EYS: variants seen among roughly 807,000 people sequenced by gnomAD.
The protein encoded by EYS is EGF-like photoreceptor maintenance factor.
A neutral mutation model predicts 282.1 loss-of-function variants in EYS; 250 were observed. The observed-to-expected ratio is 0.89, with a 90% CI of 0.80 to 0.98. The LOEUF is 0.98. EYS is among the 50% of genes least tolerant of loss of function. EYS has a pLI of 0.00. For synonymous variants in EYS, 1,355 were observed against 1,282.9 expected (o/e 1.06, Z -1.20); for missense variants, 4,016 against 3,709.0 (o/e 1.08, Z -2.15).
chr6:65,075,146 G>A (rs1774009957), intron 12 of EYS, among the ~76,000 whole-genome samples: 2 of 152,004 alleles, frequency 1.3e-5, no homozygotes, highest in South Asian at 4.2e-4. Context: ...TGAGTTCTTA[G>A]TCACTATCTT....
chr6:65,038,676 G>C (rs1382458801), intron 13 of EYS, among the ~76,000 whole-genome samples: 1 of 151,208 alleles, frequency 6.6e-6, no homozygotes. Flanking sequence ...ACTTTCATTT[G>C]ATTCCCTATC....
chr6:64,396,522 G>A (rs185898214), intron 28 of EYS, among the ~76,000 whole-genome samples: 7 of 151,868 alleles, frequency 4.6e-5, no homozygotes, highest in Non-Finnish European at 1.0e-4. Context: ...TGTTGTTCCT[G>A]ACTTACTCCA....
intron 32 of EYS, among the ~76,000 whole-genome samples, chr6:64,072,898 T>C (rs568079795): frequency 5.3e-4 from 81 of 152,056 alleles, no homozygotes; most frequent in African/African-American, 1.9e-3. Context: ...TTGTGCCATA[T>C]GTACAAGGTT....
intron 31 of EYS, among the ~76,000 whole-genome samples, chr6:64,195,327 G>T (rs1363672304): frequency 6.6e-6 from 1 of 152,126 alleles, no homozygotes; most frequent in Non-Finnish European, 1.5e-5. Context: ...TTATGTATTT[G>T]AGGTATATAC....
At chr6:64,422,705 T>C (rs1369835423) in intron 28 of EYS, among the ~76,000 whole-genome samples, 1 of 152,228 alleles carries the variant, frequency 6.6e-6, no homozygotes, top group Non-Finnish European at 1.5e-5. Flanking sequence ...ACATTTGGTC[T>C]TAATTGTTCT....
At chr6:64,443,357 G>A (rs981970759) in intron 26 of EYS, among the ~76,000 whole-genome samples, 2 of 152,196 alleles carry the variant, frequency 1.3e-5, no homozygotes, top group African/African-American at 4.8e-5. Context: ...CAGGCTCATA[G>A]TGGGGAGGGA....
chr6:65,102,987 G>A (rs1452335801), intron 12 of EYS, among the ~76,000 whole-genome samples: 1 of 151,300 alleles, frequency 6.6e-6, no homozygotes, highest in Non-Finnish European at 1.5e-5. Context: ...AACTTATTAA[G>A]GATCTATTTT....
chr6:65,444,474 C>A (rs2150396834), intron 5 of EYS, among the ~76,000 whole-genome samples: 1 of 152,110 alleles, frequency 6.6e-6, no homozygotes, highest in East Asian at 1.9e-4. Context: ...TACAGGGAGA[C>A]CAGGATGCTG....
chr6:64,010,688 T>G (rs1009306614), intron 33 of EYS, among the ~76,000 whole-genome samples: 4 of 152,168 alleles, frequency 2.6e-5, no homozygotes, highest in African/African-American at 9.7e-5. Context: ...CCATTCTTCA[T>G]GTCCTGTGTT....
At chr6:64,289,085 TTTAACCCATCACGCC>T (rs1415805803) in intron 30 of EYS, among the ~76,000 whole-genome samples, 1 of 152,098 alleles carries the variant, frequency 6.6e-6, no homozygotes, top group Non-Finnish European at 1.5e-5. Flanking sequence ...CTCCAAGCTC[TTTAACCCATCACGCC>T]TTCATTATCT....
rs990909568 is a variant in EYS at position 65,562,117 on chromosome 6, C to T, written c.-332-66124G>A. ...ATATAGCATGCATGTTTAGTAAAGA[C>T]AAGAAAAAATTAGCCTACTATCTGA... On this transcript the variant is annotated intron_variant, in intron 2 of 42. Transcript: ENST00000503581. Among the ~76,000 whole-genome samples the T allele has an allele frequency of 5.3e-5, 8 of 151,612 alleles. No homozygotes were observed. In the East Asian group the frequency reaches 5.8e-4, roughly 11 times the overall value.
intron 12 of EYS, among the ~76,000 whole-genome samples, chr6:65,130,243 C>A (rs1373020401): frequency 1.3e-5 from 2 of 151,748 alleles, no homozygotes; most frequent in Non-Finnish European, 2.9e-5. Context: ...CATTCAAACT[C>A]CAAACCTTAG....
intron 14 of EYS, among the ~76,000 whole-genome samples, chr6:64,947,266 A>T (rs1769318440): frequency 6.6e-6 from 1 of 151,756 alleles, no homozygotes. Context: ...TGGACAGCAA[A>T]TTTTTTTTAC....
Position 65,353,486 on chromosome 6 carries a change from A to C in EYS, c.1431T>G (p.Phe477Leu). The change falls in exon 9 of 43, where the codon TTT (phenylalanine) becomes TTG (leucine). Residue 477 changes from phenylalanine to leucine, a missense_variant. By Grantham distance (22) the Phe-to-Leu change is conservative. Coordinates refer to ENST00000503581, the MANE Select transcript of EYS (RefSeq NM_001142800.2). Reference protein sequence around the residue: ...GICQDKGPAQFEYVWQLGFAG... With the variant: ...GICQDKGPAQLEYVWQLGFAG... ...CAAATCCCAATTGCCACACATATTC[A>C]AATTGAGCAGGACCTTTATCTTGGC... 3 of 1,613,286 alleles carry C rather than the reference A, an allele frequency of 1.9e-6. No homozygotes were observed. Among genetic ancestry groups the C allele is most frequent in the Non-Finnish European group, 2.5e-6 (3 of 1,179,504 alleles).
chr6:64,938,122 G>A (rs1009267586), intron 15 of EYS, among the ~76,000 whole-genome samples: 9 of 151,526 alleles, frequency 5.9e-5, no homozygotes, highest in African/African-American at 2.2e-4. Flanking sequence ...TTTCAAGGGG[G>A]AAGAAGGAAA....
rs529014400 is a variant in EYS at position 65,512,651 on chromosome 6, A to G, written c.-332-16658T>C. Among the ~76,000 whole-genome samples the G allele has an allele frequency of 7.2e-5, 11 of 152,268 alleles. No homozygotes were observed. In the East Asian group the frequency reaches 1.7e-3, roughly 24 times the overall value. ...TTAAGAAACTCACTCAGAACTGCTC[A>G]ACTACATGGAAACTGAACAACCTGC... On this transcript the variant is annotated intron_variant, in intron 2 of 42. Transcript: ENST00000503581.
At chr6:65,443,157 C>T (rs1026560684) in intron 5 of EYS, among the ~76,000 whole-genome samples, 1 of 145,712 alleles carries the variant, frequency 6.9e-6, no homozygotes, top group Non-Finnish European at 1.5e-5. Context: ...ACATCATACA[C>T]ATATATGAGC....
chr6:64,786,373 G>A (rs1039309524), intron 22 of EYS, among the ~76,000 whole-genome samples: 1 of 152,094 alleles, frequency 6.6e-6, no homozygotes, highest in African/African-American at 2.4e-5. Flanking sequence ...GGAAGAGGCA[G>A]TGTCTGATTT....
intron 33 of EYS, among the ~76,000 whole-genome samples, chr6:64,028,747 T>C (rs910986132): frequency 6.6e-6 from 1 of 152,312 alleles, no homozygotes; most frequent in Admixed American, 6.5e-5. Context: ...ACTCTGGTCC[T>C]TCAATATGTG....
Sources: gnomAD v4.1 joint callset for allele counts (sites outside exome capture counted in the v4.1 genomes callset) on GRCh38, gnomAD v4.1.1 for gene constraint, MANE v1.5 for transcripts, NCBI Gene and HGNC (gene_info 2026-07-23, HGNC 2026-07-21) for gene names.